The following CORO2B variants were observed in gnomAD, a reference collection of about 807,000 sequenced individuals.
CORO2B encodes coronin-2B.
In CORO2B, 26 loss-of-function variants were observed where a neutral mutation model predicts 58.8. That is an observed-to-expected ratio of 0.44 (90% CI 0.32 to 0.61). The LOEUF (loss-of-function observed/expected upper bound fraction) is 0.61. CORO2B is among the 20% of genes least tolerant of loss of function. The probability of loss-of-function intolerance (pLI) is 0.04; values close to 1 mark genes in which losing one functional copy is unlikely to be tolerated. For missense variants in CORO2B, 460 were observed against 645.1 expected, an observed-to-expected ratio of 0.71 and a Z score of 3.11; for synonymous variants, 242 against 253.8, an observed-to-expected ratio of 0.95 and a Z score of 0.44.
intron 1 of CORO2B, among the ~76,000 whole-genome samples, chr15:68,644,798 TACTC>T (rs1353379763): frequency 1.1e-4 from 16 of 152,280 alleles, no homozygotes; most frequent in Non-Finnish European, 1.6e-4. Context: ...CAGTTCCAGA[TACTC>T]AGGAGGGAGT....
intron 1 of CORO2B, among the ~76,000 whole-genome samples, chr15:68,580,695 G>A (rs1192414467): frequency 2.6e-5 from 4 of 152,124 alleles, no homozygotes; most frequent in African/African-American, 4.8e-5. Context: ...CTATTCAGCT[G>A]GGAGGGATAT....
rs767517372 is a variant in CORO2B, at chr15:68,723,116, CTTTTTTTT to C, written c.1312-2710_1312-2703del. On this transcript the variant is annotated intron_variant, in intron 11 of 11. Transcript: ENST00000261861. ...GAATCATAAAAATGATACATACATT[CTTTTTTTT>C]TTTTTTTTTTTTTTTTAGACAGAGT... Among the ~76,000 whole-genome samples, 610 of 91,500 alleles carry C rather than the reference CTTTTTTTT, an allele frequency of 6.7e-3. 5 individuals are homozygous for C. Among genetic ancestry groups the C allele is most frequent in the Middle Eastern group, 0.021 (4 of 190 alleles). 60.0% of individuals were successfully genotyped at this position (91,500 alleles called of 152,430 possible).
chr15:68,545,612 C>CGGT, the CORO2B span, among the ~76,000 whole-genome samples: 1 of 53,268 alleles, frequency 1.9e-5, no homozygotes, highest in African/African-American at 6.9e-5. Flanking sequence ...ATGCGGGGGG[C>CGGT]GGGGGGGGTA....
chr15:68,599,445 T>C (rs1297382276), intron 1 of CORO2B, among the ~76,000 whole-genome samples: 1 of 152,190 alleles, frequency 6.6e-6, no homozygotes, highest in African/African-American at 2.4e-5. Flanking sequence ...TTTGCATGGA[T>C]ATAAGAATCT....
chr15:68,724,305 T>G (rs1893239950), intron 11 of CORO2B, among the ~76,000 whole-genome samples: 1 of 152,238 alleles, frequency 6.6e-6, no homozygotes, highest in South Asian at 2.1e-4. Context: ...CCTCCCTGGT[T>G]GGAATCTGCC....
the CORO2B span, among the ~76,000 whole-genome samples, chr15:68,525,662 T>C: frequency 6.6e-6 from 1 of 152,164 alleles, no homozygotes; most frequent in Non-Finnish European, 1.5e-5. Context: ...ACCCCCAAAA[T>C]GGGTCAAAAT....
intron 3 of CORO2B, among the ~76,000 whole-genome samples, chr15:68,701,701 A>G (rs79080775): frequency 0.18 from 27,257 of 151,172 alleles, 2,998 homozygotes; most frequent in Non-Finnish European, 0.24. Context: ...AGCCAGGACG[A>G]TCTCAATCTC....
chr15:68,676,351 A>G (rs993484087), intron 2 of CORO2B, among the ~76,000 whole-genome samples: 4 of 152,192 alleles, frequency 2.6e-5, no homozygotes, highest in Admixed American at 6.5e-5. Context: ...TTCTGAATTG[A>G]AGCAGGACTT....
At chr15:68,687,980 T>G (rs895305428) in intron 2 of CORO2B, among the ~76,000 whole-genome samples, 1 of 152,210 alleles carries the variant, frequency 6.6e-6, no homozygotes, top group African/African-American at 2.4e-5. Flanking sequence ...ACATGAACTC[T>G]GGGGAACATG....
At chr15:68,625,017 G>C (rs1424482871) in intron 1 of CORO2B, among the ~76,000 whole-genome samples, 2 of 152,146 alleles carry the variant, frequency 1.3e-5, no homozygotes, top group African/African-American at 4.8e-5. Flanking sequence ...AGTGGTCGAA[G>C]ACCACTCCTG....
chr15:68,700,086 C>T (rs74020279), intron 3 of CORO2B, among the ~76,000 whole-genome samples: 4,788 of 152,236 alleles, frequency 0.031, 229 homozygotes, highest in African/African-American at 0.1. Flanking sequence ...GCCCTTCCCA[C>T]GGCCTCCCTG....
intron 2 of CORO2B, among the ~76,000 whole-genome samples, chr15:68,683,140 C>T (rs1442977544): frequency 3.3e-5 from 5 of 152,294 alleles, no homozygotes; most frequent in South Asian, 2.1e-4. Context: ...CTGACCTTGA[C>T]GGAGCTCCAC....
At chr15:68,546,362 G>T in the CORO2B span, among the ~76,000 whole-genome samples, 8 of 152,166 alleles carry the variant, frequency 5.3e-5, no homozygotes, top group Non-Finnish European at 1.2e-4. Flanking sequence ...TGGGATGTGT[G>T]TGGAATGAGT....
the CORO2B span, among the ~76,000 whole-genome samples, chr15:68,533,641 C>A: frequency 6.6e-6 from 1 of 152,278 alleles, no homozygotes; most frequent in African/African-American, 2.4e-5. Flanking sequence ...GGGCAGGGGC[C>A]TAGAGAGAAT....
At chr15:68,616,278 C>T (rs186921756) in intron 1 of CORO2B, among the ~76,000 whole-genome samples, 21 of 152,154 alleles carry the variant, frequency 1.4e-4, no homozygotes, top group East Asian at 5.8e-4. Flanking sequence ...TGCACTTATT[C>T]GGGGGAAAAA....
the CORO2B span, among the ~76,000 whole-genome samples, chr15:68,555,486 G>A: frequency 6.6e-6 from 1 of 152,230 alleles, no homozygotes; most frequent in Admixed American, 6.5e-5. Flanking sequence ...GAGGCTGGGG[G>A]CTGGGCAGGG....
chr15:68,706,591 C>T (rs1248430847), intron 3 of CORO2B, among the ~76,000 whole-genome samples: 1 of 152,234 alleles, frequency 6.6e-6, no homozygotes, highest in African/African-American at 2.4e-5. Flanking sequence ...TATGAGACAT[C>T]CCTAGACAGA....
rs1892993362 is a variant in CORO2B at position 68,714,758 on chromosome 15, G to A, written c.870+95G>A. On this transcript the variant is annotated intron_variant, in intron 7 of 11. Transcript: ENST00000261861. ...TGCCCCACCCCCTGGAGAGTAGCCA[G>A]CCTAACCTTCCAAGTTCCTGGGCCT... 6.4e-6 allele frequency: 6 copies of A among 934,924 alleles called. No individual in the cohort carries two copies. In the Admixed American group the frequency reaches 9.9e-5, roughly 15 times the overall value. 57.9% of individuals were successfully genotyped at this position (934,924 alleles called of 1,614,324 possible). A position where few individuals can be genotyped will look rare whatever the true frequency, so the allele number is the denominator to read the frequency against.
chr15:68,657,399 C>T (rs1258821886), intron 2 of CORO2B, among the ~76,000 whole-genome samples: 1 of 151,704 alleles, frequency 6.6e-6, no homozygotes, highest in Non-Finnish European at 1.5e-5. Context: ...TGCTAGTAGT[C>T]CCAGATACTC....
Sources: gnomAD v4.1 joint callset for allele counts (sites outside exome capture counted in the v4.1 genomes callset) on GRCh38, gnomAD v4.1.1 for gene constraint, MANE v1.5 for transcripts, NCBI Gene and HGNC (gene_info 2026-07-23, HGNC 2026-07-21) for gene names.